Variants in TCERG1 observed in about 807,000 individuals in gnomAD.
TCERG1 encodes the protein TATA box binding protein (TBP)-associated factor, RNA polymerase II, S, 150kD.
Under a neutral mutation model 144.7 loss-of-function variants are expected in TCERG1, and 37 were observed. The observed-to-expected ratio is 0.26, with a 90% CI of 0.20 to 0.34. The LOEUF is 0.34. Ranked by LOEUF, TCERG1 falls within the 10% of genes least tolerant of loss-of-function variation. The pLI is 1.00. For missense variants in TCERG1, 1,027 were observed against 1,380.7 expected (o/e 0.74, Z 4.06); for synonymous variants, 492 against 458.2 (o/e 1.07, Z -0.94).
chr5:146,453,353 T>C (rs1165578214), intron 1 of TCERG1, among the ~76,000 whole-genome samples: 1 of 152,208 alleles, frequency 6.6e-6, no homozygotes, highest in African/African-American at 2.4e-5. Context: ...TTATTCAATG[T>C]TAATATTTTA....
At chr5:146,474,771 A>AT (rs561524513) in intron 9 of TCERG1, among the ~76,000 whole-genome samples, 23 of 152,162 alleles carry the variant, frequency 1.5e-4, no homozygotes, top group South Asian at 2.1e-4. Context: ...AGATGATAGC[A>AT]TTTTTTTAGC....
intron 15 of TCERG1, among the ~76,000 whole-genome samples, chr5:146,489,744 A>G (rs1344620257): frequency 6.6e-6 from 1 of 152,182 alleles, no homozygotes; most frequent in East Asian, 1.9e-4. Context: ...TATAAAAGTG[A>G]ACTTAACAGA....
At chr5:146,496,436 C>T (rs1248194961) in intron 16 of TCERG1, among the ~76,000 whole-genome samples, 1 of 152,094 alleles carries the variant, frequency 6.6e-6, no homozygotes, top group Non-Finnish European at 1.5e-5. Context: ...AGTCTTTTTT[C>T]TATCTCCTCT....
In TCERG1 at chr5:146,483,555, A is replaced by T; in HGVS notation, c.2089A>T (p.Thr697Ser). Reference protein sequence around the residue: ...LLERGVSAFSTWEKELHKIVF... With the variant: ...LLERGVSAFSSWEKELHKIVF... ...TATTTTAAAGGTGTCTGCTTTTTCA[A>T]CGTGGGAGAAGGAGTTGCACAAGAT... Residue 697 changes from threonine to serine, a missense_variant, in exon 15 of 23, where the codon ACG becomes TCG. Coordinates refer to ENST00000679501, the MANE Select transcript of TCERG1 (RefSeq NM_001382548.1). 6.2e-7 allele frequency: 1 copy of T among 1,612,506 alleles called. No individual in the cohort carries two copies. Among genetic ancestry groups the T allele is most frequent in the Non-Finnish European group, 8.5e-7 (1 of 1,179,146 alleles).
intron 9 of TCERG1, among the ~76,000 whole-genome samples, chr5:146,472,486 TG>T (rs775752952): frequency 5.9e-5 from 9 of 152,172 alleles, no homozygotes; most frequent in Non-Finnish European, 1.3e-4. Context: ...GTAATTGTTT[TG>T]GGGTGCCACA....
chr5:146,467,419 T>C (rs1408187906), intron 5 of TCERG1, among the ~76,000 whole-genome samples: 2 of 152,196 alleles, frequency 1.3e-5, no homozygotes, highest in African/African-American at 4.8e-5. Flanking sequence ...CTTTGGCCTT[T>C]TCCTCTAAAA....
At chr5:146,497,232 G>A (rs950548001) in intron 16 of TCERG1, among the ~76,000 whole-genome samples, 2 of 152,076 alleles carry the variant, frequency 1.3e-5, no homozygotes, top group Non-Finnish European at 2.9e-5. Flanking sequence ...GAGTGCAGTG[G>A]CACGATCTCG....
intron 16 of TCERG1, among the ~76,000 whole-genome samples, chr5:146,495,157 A>G (rs1766770693): frequency 6.6e-6 from 1 of 152,226 alleles, no homozygotes; most frequent in Non-Finnish European, 1.5e-5. Context: ...AATCATAACA[A>G]TGCAAGTTTA....
intron 1 of TCERG1, among the ~76,000 whole-genome samples, chr5:146,451,738 T>TA (rs199628502): frequency 0.93 from 135,989 of 146,698 alleles, 63,082 homozygotes; most frequent in East Asian, 1. Flanking sequence ...GTCCTGGTTA[T>TA]ACCAGGACTG....
chr5:146,461,403 G>C (rs1047649335), intron 4 of TCERG1, among the ~76,000 whole-genome samples: 1 of 152,068 alleles, frequency 6.6e-6, no homozygotes, highest in Admixed American at 6.5e-5. Context: ...ATCTGAGGCT[G>C]GGTTAGTATA....
chr5:146,467,371 A>G (rs1478685056), intron 5 of TCERG1, among the ~76,000 whole-genome samples: 1 of 152,154 alleles, frequency 6.6e-6, no homozygotes, highest in African/African-American at 2.4e-5. Context: ...GAAAAAAATA[A>G]AAAAGTAAAA....
intron 14 of TCERG1, among the ~76,000 whole-genome samples, chr5:146,483,273 A>C (rs1417969637): frequency 6.6e-6 from 1 of 152,154 alleles, no homozygotes; most frequent in East Asian, 1.9e-4. Flanking sequence ...TGATGTACTG[A>C]TTTTTAAAAT....
intron 18 of TCERG1, 119 bp downstream of exon 18, chr5:146,503,658 C>T: frequency 7.2e-7 from 1 of 1,388,782 alleles, no homozygotes; most frequent in Non-Finnish European, 9.8e-7. Context: ...TGTTAGTATT[C>T]TTAACATAAG....
intron 21 of TCERG1, 127 bp from the exon 22 acceptor site, chr5:146,509,018 C>T (rs1329319876): frequency 1.9e-6 from 1 of 519,874 alleles, no homozygotes; most frequent in Non-Finnish European, 3.3e-6. Context: ...ACCCTGTTGC[C>T]TTTTTCTTTT....
chr5:146,471,595 T>G lies in TCERG1; in HGVS notation c.1601+19T>G. ...CTCCATGGTATGTATTTGGCTCAAG[T>G]AGTAATTTTTTTTTTTTTTTTGAGA... On this transcript the variant is annotated intron_variant, in intron 9 of 22. Coordinates refer to ENST00000679501, the MANE Select transcript of TCERG1 (RefSeq NM_001382548.1). The G allele has an allele frequency of 6.3e-7, 1 of 1,592,956 alleles. No homozygotes were observed. The highest frequency in any genetic ancestry group is 8.5e-7 in the Non-Finnish European group (1 of 1,171,928).
At chr5:146,471,114 T>C (rs1764254298) in intron 8 of TCERG1, among the ~76,000 whole-genome samples, 2 of 152,368 alleles carry the variant, frequency 1.3e-5, no homozygotes, top group South Asian at 2.1e-4. Context: ...GCATGATCCA[T>C]GTATAGCACT....
intron 15 of TCERG1, 139 bp from the exon 16 acceptor site, chr5:146,492,781 A>G: frequency 1.8e-6 from 1 of 568,706 alleles, no homozygotes; most frequent in Non-Finnish European, 3.0e-6. Context: ...GAAACTTGGT[A>G]TAGATTATCT....
chr5:146,452,590 C>CTTTA (rs1762451399), intron 1 of TCERG1, among the ~76,000 whole-genome samples: 1 of 152,086 alleles, frequency 6.6e-6, no homozygotes, highest in African/African-American at 2.4e-5. Flanking sequence ...TCTTTATTTT[C>CTTTA]TTTATTTATT....
Position 146,469,403 on chromosome 5 carries a change from C to A in TCERG1, c.1199-141C>A, listed in dbSNP as rs112275747. On this transcript the variant is annotated intron_variant, in intron 6 of 22. Coordinates refer to ENST00000679501, the MANE Select transcript of TCERG1 (RefSeq NM_001382548.1). ...GAATTAAGTGGTATTTTTATGTCAC[C>A]TTTTTATATGATTTTTGTTTTGTTC... 181 of 634,350 alleles carry A rather than the reference C, an allele frequency of 2.9e-4. 1 individual carries two copies. The African/African-American group carries it at 3.3e-3, about 11-fold the overall frequency. The allele number at this position is 634,350 out of a possible 1,614,324, so 39.3% of individuals were successfully genotyped here. A position where few individuals can be genotyped will look rare whatever the true frequency, so the allele number is the denominator to read the frequency against.
Sources: gnomAD v4.1 joint callset for allele counts (sites outside exome capture counted in the v4.1 genomes callset) on GRCh38, gnomAD v4.1.1 for gene constraint, MANE v1.5 for transcripts, NCBI Gene and HGNC (gene_info 2026-07-23, HGNC 2026-07-21) for gene names.